NAV3: variants seen among roughly 807,000 people sequenced by gnomAD.
NAV3 encodes pore membrane and/or filament interacting like protein 1.
NAV3 carries 87 observed loss-of-function variants against 244.7 expected under a neutral mutation model. The ratio of observed to expected loss-of-function variants is 0.36; its 90% CI spans 0.30 to 0.42. The LOEUF (loss-of-function observed/expected upper bound fraction) is 0.42, where lower values mean the gene tolerates loss of function less well. NAV3 is among the 20% of genes least tolerant of loss of function. The pLI is 1.00. For synonymous variants in NAV3, 1,126 were observed against 1,042.2 expected (o/e 1.08, Z -1.55); for missense variants, 2,663 against 2,893.3 (o/e 0.92, Z 1.83).
At chr12:77,576,452 G>C (rs1404118399) in intron 2 of NAV3, among the ~76,000 whole-genome samples, 1 of 152,074 alleles carries the variant, frequency 6.6e-6, no homozygotes, top group Non-Finnish European at 1.5e-5. Context: ...ATGTGACTGT[G>C]TTAGGTTACT....
intron 5 of NAV3, among the ~76,000 whole-genome samples, chr12:77,992,458 A>G (rs572555191): frequency 6.6e-6 from 1 of 152,284 alleles, no homozygotes; most frequent in Non-Finnish European, 1.5e-5. Context: ...ATTATTAGGA[A>G]AATTGTGGTC....
chr12:78,114,033 AG>A (rs1235901193), intron 12 of NAV3, among the ~76,000 whole-genome samples: 1 of 152,182 alleles, frequency 6.6e-6, no homozygotes, highest in Non-Finnish European at 1.5e-5. Flanking sequence ...AAAGTACCAC[AG>A]ATCTCTAGGG....
intron 22 of NAV3, among the ~76,000 whole-genome samples, chr12:78,157,786 TGAGA>T (rs367611002): frequency 2.0e-5 from 3 of 149,092 alleles, no homozygotes; most frequent in African/African-American, 4.9e-5. Flanking sequence ...TGTGTTTGTG[TGAGA>T]GAGAGAGAGA....
intron 12 of NAV3, among the ~76,000 whole-genome samples, chr12:78,064,887 G>A (rs1884824829): frequency 6.6e-6 from 1 of 151,938 alleles, no homozygotes; most frequent in African/African-American, 2.4e-5. Flanking sequence ...AGAGAGCCAG[G>A]GATTGCCAAA....
chr12:77,929,653 A>G (rs189134662), intron 1 of NAV3, among the ~76,000 whole-genome samples: 160 of 150,718 alleles, frequency 1.1e-3, no homozygotes, highest in African/African-American at 3.6e-3. Flanking sequence ...ATTTATTTTT[A>G]TTTTCTTTTA....
intron 1 of NAV3, among the ~76,000 whole-genome samples, chr12:77,875,422 A>G (rs1347798398): frequency 1.3e-5 from 2 of 152,012 alleles, no homozygotes; most frequent in Non-Finnish European, 2.9e-5. Context: ...AATGTTCTTT[A>G]TTGTATTTAA....
At chr12:77,607,505 C>T (rs983826192) in intron 2 of NAV3, among the ~76,000 whole-genome samples, 1 of 152,076 alleles carries the variant, frequency 6.6e-6, no homozygotes, top group Admixed American at 6.6e-5. Context: ...ATCTTTAAAA[C>T]TTGAATTTTT....
At chr12:78,150,030 TAGC>T (rs1354831931) in intron 22 of NAV3, among the ~76,000 whole-genome samples, 2 of 152,086 alleles carry the variant, frequency 1.3e-5, no homozygotes, top group Admixed American at 1.3e-4. Flanking sequence ...CTGAAAATAA[TAGC>T]AGTTTTTAGA....
chr12:77,712,168 A>G (rs1416349373), intron 2 of NAV3, among the ~76,000 whole-genome samples: 1 of 152,132 alleles, frequency 6.6e-6, no homozygotes, highest in Non-Finnish European at 1.5e-5. Flanking sequence ...TTAAGCCACA[A>G]TCTCCCTTTC....
intron 35 of NAV3, 65 bp from the exon 36 acceptor site, chr12:78,198,539 AT>A: frequency 1.0e-6 from 1 of 969,818 alleles, no homozygotes; most frequent in Non-Finnish European, 1.6e-6. Context: ...GTTTTCCAAG[AT>A]AATTTTAATG....
At chr12:77,933,873 CTG>C (rs1889068056) in intron 1 of NAV3, among the ~76,000 whole-genome samples, 1 of 152,216 alleles carries the variant, frequency 6.6e-6, no homozygotes, top group African/African-American at 2.4e-5. Context: ...TAATCCCACA[CTG>C]TGATTTTGCA....
At chr12:78,160,499 CA>C (rs1382638294) in intron 23 of NAV3, among the ~76,000 whole-genome samples, 1 of 151,592 alleles carries the variant, frequency 6.6e-6, no homozygotes, top group Non-Finnish European at 1.5e-5. Context: ...CCCATTATAT[CA>C]AAAGTTTTGG....
intron 12 of NAV3, among the ~76,000 whole-genome samples, chr12:78,100,417 C>A (rs1396221595): frequency 6.6e-6 from 1 of 151,858 alleles, no homozygotes; most frequent in Non-Finnish European, 1.5e-5. Flanking sequence ...ATGCAAGAGA[C>A]CTAGAGTCTC....
At chr12:77,604,734 T>A (rs1480875434) in intron 2 of NAV3, among the ~76,000 whole-genome samples, 2 of 152,074 alleles carry the variant, frequency 1.3e-5, no homozygotes. Context: ...AGTTCATTTC[T>A]GTTTCTTGTG....
chr12:77,628,635 G>C (rs1467894953), intron 2 of NAV3, among the ~76,000 whole-genome samples: 2 of 151,972 alleles, frequency 1.3e-5, no homozygotes, highest in Non-Finnish European at 2.9e-5. Flanking sequence ...TGTAATTCCA[G>C]CACTTTGGGA....
intron 2 of NAV3, among the ~76,000 whole-genome samples, chr12:77,591,766 T>C (rs934120716): frequency 2.0e-5 from 3 of 152,348 alleles, no homozygotes; most frequent in African/African-American, 7.2e-5. Flanking sequence ...AATTTATGTA[T>C]GTGTATGTTT....
chr12:77,855,229 A>G (rs1045678112), intron 1 of NAV3, among the ~76,000 whole-genome samples: 8 of 152,218 alleles, frequency 5.3e-5, no homozygotes, highest in African/African-American at 9.6e-5. Context: ...AAAAATTATA[A>G]TTGTCTAAAT....
rs188997476 is a variant in NAV3 at position 78,051,059 on chromosome 12, G to T, written c.2428G>T (p.Asp810Tyr). Reference protein sequence around the residue: ...DMSEKASSDLDMSSEVDVGGY... With the variant: ...DMSEKASSDLYMSSEVDVGGY... ...GAGTGAGAAAGCAAGCAGTGACCTGGACATGTCTTCTGAGGTCGATGTGGG... is the reference window on the plus strand; with the variant it reads ...GAGTGAGAAAGCAAGCAGTGACCTGTACATGTCTTCTGAGGTCGATGTGGG... Residue 810 changes from aspartate to tyrosine, a missense_variant, in exon 11 of 40, where the codon GAC becomes TAC. Asp to Tyr is a radical substitution (Grantham distance 160, BLOSUM62 -3). Coordinates refer to ENST00000397909, the MANE Select transcript of NAV3 (RefSeq NM_001024383.2). The T allele has an allele frequency of 6.2e-7, 1 of 1,614,160 alleles. No homozygotes were observed. Among genetic ancestry groups the T allele is most frequent in the Non-Finnish European group, 8.5e-7 (1 of 1,180,036 alleles).
At chr12:77,890,508 T>C (rs1883806267) in intron 1 of NAV3, among the ~76,000 whole-genome samples, 1 of 152,168 alleles carries the variant, frequency 6.6e-6, no homozygotes, top group Admixed American at 6.6e-5. Flanking sequence ...ATGAAATAAA[T>C]ATGATAAATA....
Sources: gnomAD v4.1 joint callset for allele counts (sites outside exome capture counted in the v4.1 genomes callset) on GRCh38, gnomAD v4.1.1 for gene constraint, MANE v1.5 for transcripts, NCBI Gene and HGNC (gene_info 2026-07-23, HGNC 2026-07-21) for gene names.